The following RDM1 variants were observed in gnomAD, a reference collection of about 807,000 sequenced individuals.
RDM1 encodes the protein RAD52 motif-containing protein 1.
A neutral mutation model predicts 27.7 loss-of-function variants in RDM1; 28 were observed. That is an observed-to-expected ratio of 1.01 (90% CI 0.75 to 1.39). The LOEUF (loss-of-function observed/expected upper bound fraction) is 1.39. Ranked by LOEUF, RDM1 falls within the 40% of genes most tolerant of loss-of-function variation. The pLI is 0.00. For synonymous variants in RDM1, 124 were observed against 127.5 expected (o/e 0.97, Z 0.19); for missense variants, 277 against 337.3 (o/e 0.82, Z 1.40).
intron 6 of RDM1, among the ~76,000 whole-genome samples, chr17:35,919,795 A>G (rs1256909739): frequency 6.6e-6 from 1 of 152,220 alleles, no homozygotes; most frequent in Non-Finnish European, 1.5e-5. Context: ...TTTGAAAGGC[A>G]TTATAGTTTT....
intron 4 of RDM1, 102 bp downstream of exon 4, chr17:35,924,502 C>A (rs2089062187): frequency 3.1e-6 from 4 of 1,271,572 alleles, no homozygotes; most frequent in Non-Finnish European, 3.2e-6. Flanking sequence ...GAGGGAGGGG[C>A]TTGATATGTA....
intron 4 of RDM1, 99 bp from the exon 5 acceptor site, chr17:35,922,774 A>G: frequency 1.0e-6 from 1 of 958,454 alleles, no homozygotes; most frequent in Non-Finnish European, 1.6e-6. Context: ...TTAGCTCAAA[A>G]CCTTCATGAC....
Position 35,918,204 on chromosome 17 carries a change from C to T in RDM1, c.*138G>A, listed in dbSNP as rs2088811967. 4 of 678,038 alleles carry T rather than the reference C, an allele frequency of 5.9e-6. No homozygotes were observed. The highest frequency in any genetic ancestry group is 2.3e-5 in the Admixed American group (1 of 43,906). 42.0% of individuals were successfully genotyped at this position (678,038 alleles called of 1,614,324 possible). The stretch of plus-strand genomic sequence containing the variant: ...ACCAGAACACCCCTTCCCTCCCCTT[C>T]GCCAGGAAAGATTTGGGCGGCCGAC... On this transcript the variant is annotated 3_prime_UTR_variant, in exon 7 of 7. Transcript: ENST00000620284.
intron 1 of RDM1, 152 bp downstream of exon 1, chr17:35,930,480 G>A (rs943286995): frequency 2.2e-6 from 2 of 891,774 alleles, no homozygotes; most frequent in African/African-American, 1.7e-5. Context: ...AATCTGTTGG[G>A]GGTCGTCAGT....
intron 1 of RDM1, 82 bp from the exon 2 acceptor site, chr17:35,930,337 C>A: frequency 6.4e-7 from 1 of 1,565,414 alleles, no homozygotes; most frequent in Non-Finnish European, 8.8e-7. Context: ...CCCCAAACCT[C>A]TCTTCGCGAA....
At chr17:35,929,050 G>A (rs1201391624) in intron 2 of RDM1, among the ~76,000 whole-genome samples, 1 of 152,076 alleles carries the variant, frequency 6.6e-6, no homozygotes, top group Non-Finnish European at 1.5e-5. Context: ...TCTCCAGCCT[G>A]GGTGACAAAA....
chr17:35,930,733 C>G lies in RDM1; in HGVS notation c.-6G>C. 6.2e-7 allele frequency: 1 copy of G among 1,612,960 alleles called. No individual in the cohort carries two copies. ...AAAGGTACCAACTCCGCCATCCTCCCTTCACCGCACCTGCGCGGCTAACCC... is the reference window on the plus strand; with the variant it reads ...AAAGGTACCAACTCCGCCATCCTCCGTTCACCGCACCTGCGCGGCTAACCC... On this transcript the variant is annotated 5_prime_UTR_variant, in exon 1 of 7. Coordinates refer to ENST00000620284, the MANE Select transcript of RDM1 (RefSeq NM_145654.4).
At chr17:35,919,855 T>A (rs1333244069) in intron 6 of RDM1, among the ~76,000 whole-genome samples, 1 of 152,182 alleles carries the variant, frequency 6.6e-6, no homozygotes, top group Non-Finnish European at 1.5e-5. Context: ...TCTCCCCATA[T>A]CTCTGGGATT....
Position 35,918,423 on chromosome 17 carries a change from C to G in RDM1, c.774G>C (p.Lys258Asn). Residue 258 changes from lysine (K) to asparagine (N), a missense_variant, in exon 7 of 7, where the codon AAG becomes AAC. By Grantham distance (94) the Lys-to-Asn change is moderately conservative (BLOSUM62 0). Transcript: ENST00000620284. Reference sequence around the variant, plus strand: ...ACCCTTCCTCCTCTTGGCCATACTGCTTCCAGGGAGAGCAAGGGACCTGCA... The same window carrying G: ...ACCCTTCCTCCTCTTGGCCATACTGGTTCCAGGGAGAGCAAGGGACCTGCA... ...GLIQVPCSPW[K>N]QYGQEEEGYL... The G allele has an allele frequency of 6.2e-7, 1 of 1,614,154 alleles. No individual in the cohort carries two copies. The highest frequency in any genetic ancestry group is 8.5e-7 in the Non-Finnish European group (1 of 1,180,010).
chr17:35,922,799 A>G, intron 4 of RDM1, 124 bp from the exon 5 acceptor site: 1 of 720,106 alleles, frequency 1.4e-6, no homozygotes, highest in Non-Finnish European at 2.3e-6. Context: ...GGCAGATGGC[A>G]CAAGCGTATG....
chr17:35,920,377 G>A, intron 5 of RDM1, 105 bp from the exon 6 acceptor site: 1 of 473,348 alleles, frequency 2.1e-6, no homozygotes, highest in Non-Finnish European at 3.7e-6. Flanking sequence ...GTTTCTAAAA[G>A]CAGAAAATAA....
At chr17:35,922,730 A>AT (rs2088990630) in intron 4 of RDM1, 55 bp from the exon 5 acceptor site, 1 of 1,384,924 alleles carries the variant, frequency 7.2e-7, no homozygotes, top group Admixed American at 2.4e-5. Context: ...GATAATTGCT[A>AT]TATGTTTAAA....
At chr17:35,925,669 C>T in intron 2 of RDM1, 32 bp from the exon 3 acceptor site, 1 of 1,583,992 alleles carries the variant, frequency 6.3e-7, no homozygotes, top group Middle Eastern at 1.7e-4. Flanking sequence ...CCATAAATAT[C>T]ACAACCGCTA....
chr17:35,930,536 C>T, intron 1 of RDM1, 96 bp downstream of exon 1: 1 of 1,194,886 alleles, frequency 8.4e-7, no homozygotes, highest in Non-Finnish European at 1.2e-6. Flanking sequence ...TCAGCGGAGG[C>T]TCAGGCAGGT....
chr17:35,928,770 A>G (rs1419500721), intron 2 of RDM1, among the ~76,000 whole-genome samples: 1 of 150,838 alleles, frequency 6.6e-6, no homozygotes, highest in African/African-American at 2.4e-5. Context: ...CTTTAAAAAA[A>G]AAAAAAGTAA....
At chr17:35,923,573 G>T (rs4796134) in intron 4 of RDM1, among the ~76,000 whole-genome samples, 23,587 of 150,174 alleles carry the variant, frequency 0.16, 1,973 homozygotes, top group South Asian at 0.28. Context: ...TGAGGCAGGA[G>T]AATCACTTGA....
chr17:35,923,484 T>C (rs1472084164), intron 4 of RDM1, among the ~76,000 whole-genome samples: 1 of 151,430 alleles, frequency 6.6e-6, no homozygotes, highest in Non-Finnish European at 1.5e-5. Context: ...GGTGAAACCC[T>C]GTCTCTAATA....
intron 5 of RDM1, among the ~76,000 whole-genome samples, chr17:35,920,473 T>G (rs1481704631): frequency 1.3e-5 from 2 of 149,496 alleles, no homozygotes; most frequent in Non-Finnish European, 3.0e-5. Context: ...TTTTTTTTTT[T>G]AGAAGACAGG....
chr17:35,927,506 A>G (rs968469108), intron 2 of RDM1, among the ~76,000 whole-genome samples: 4 of 152,128 alleles, frequency 2.6e-5, no homozygotes, highest in African/African-American at 9.7e-5. Context: ...AAACCCTCTC[A>G]GGTGCCTTAG....
Sources: gnomAD v4.1 joint callset for allele counts (sites outside exome capture counted in the v4.1 genomes callset) on GRCh38, gnomAD v4.1.1 for gene constraint, MANE v1.5 for transcripts, NCBI Gene and HGNC (gene_info 2026-07-23, HGNC 2026-07-21) for gene names.